GRIP1: variants seen among roughly 807,000 people sequenced by gnomAD.
GRIP1 encodes glutamate receptor-interacting protein 1.
GRIP1 carries 45 observed loss-of-function variants against 129.9 expected under a neutral mutation model. The observed-to-expected ratio is 0.35, with a 90% confidence interval of 0.27 to 0.44. The LOEUF (loss-of-function observed/expected upper bound fraction) is 0.44, where lower values mean the gene tolerates loss of function less well. Ranked by LOEUF, GRIP1 falls within the 20% of genes least tolerant of loss-of-function variation. The pLI is 1.00. For synonymous variants in GRIP1, 530 were observed against 520.8 expected, an observed-to-expected ratio of 1.02 and a Z score of -0.24; for missense variants, 1,196 against 1,396.8, an observed-to-expected ratio of 0.86 and a Z score of 2.29.
At chr12:67,052,919 A>G (rs2043371560) in intron 1 of GRIP1, among the ~76,000 whole-genome samples, 1 of 152,190 alleles carries the variant, frequency 6.6e-6, no homozygotes, top group African/African-American at 2.4e-5. Flanking sequence ...TTAGTGTAGG[A>G]ATTAGACTTA....
chr12:66,551,047 T>C (rs1459621160), intron 2 of GRIP1, among the ~76,000 whole-genome samples: 2 of 152,248 alleles, frequency 1.3e-5, no homozygotes, highest in Non-Finnish European at 2.9e-5. Flanking sequence ...AGTTTACAAG[T>C]AAAACTGAAG....
chr12:66,757,223 A>C (rs1413940067), intron 1 of GRIP1, among the ~76,000 whole-genome samples: 1 of 151,612 alleles, frequency 6.6e-6, no homozygotes, highest in East Asian at 1.9e-4. Flanking sequence ...CCCGTTAGCC[A>C]TCCCTCCTCT....
intron 1 of GRIP1, among the ~76,000 whole-genome samples, chr12:66,796,376 C>T (rs1029028057): frequency 6.6e-6 from 1 of 151,836 alleles, no homozygotes; most frequent in Admixed American, 6.6e-5. Flanking sequence ...ACAAGCCATC[C>T]AGAAGATGGC....
intron 1 of GRIP1, among the ~76,000 whole-genome samples, chr12:66,997,437 G>A (rs1217970840): frequency 6.6e-6 from 1 of 151,932 alleles, no homozygotes; most frequent in African/African-American, 2.4e-5. Flanking sequence ...AAGAATAACA[G>A]GAGAATAAGA....
At position 66,815,848 on chromosome 12, in the gene GRIP1, CTT is replaced by C. The variant is rs140180263; in HGVS notation, c.59-218923_59-218922del. Among the ~76,000 whole-genome samples the C allele has an allele frequency of 6.0e-3, 421 of 69,600 alleles. 1 individual carries two copies. Among genetic ancestry groups the C allele is most frequent in the Non-Finnish European group, 9.8e-3 (303 of 30,908 alleles). The allele number at this position is 69,600 out of a possible 152,430, so 45.7% of individuals were successfully genotyped here. ...TCTTTCTTTCTTTCTTTCTTTCTTT[CTT>C]TCTTTCTCTCTCTCTCTCTCTCTCT... On this transcript the variant is annotated intron_variant, in intron 1 of 1. Transcript: ENST00000643019.
intron 1 of GRIP1, among the ~76,000 whole-genome samples, chr12:66,919,803 A>G (rs1455657678): frequency 6.6e-6 from 1 of 152,196 alleles, no homozygotes; most frequent in Non-Finnish European, 1.5e-5. Context: ...ACACTCAAAT[A>G]AAGAGCTGGA....
intron 1 of GRIP1, among the ~76,000 whole-genome samples, chr12:66,979,732 T>C (rs983193566): frequency 6.6e-6 from 1 of 152,128 alleles, no homozygotes. Context: ...ACATGACAGG[T>C]GTCCTTAAAA....
At chr12:66,472,818 C>G (rs887638218) in intron 7 of GRIP1, among the ~76,000 whole-genome samples, 1 of 152,202 alleles carries the variant, frequency 6.6e-6, no homozygotes, top group African/African-American at 2.4e-5. Context: ...TTCCCATGGT[C>G]TTCATAACCT....
rs142754584 is a variant in GRIP1 at position 66,976,070 on chromosome 12, T to C, written c.58+92980A>G. The stretch of plus-strand genomic sequence containing the variant: ...AAAAGAACTCTCTCCCTTCCCCAGT[T>C]GCATAGGCTTGGGCTCCACAAACCC... On this transcript the variant is annotated intron_variant, in intron 1 of 1. Transcript: ENST00000643019. Among the ~76,000 whole-genome samples the C allele has an allele frequency of 5.5e-4, 84 of 152,356 alleles. No individual in the cohort carries two copies. In the East Asian group the frequency reaches 9.6e-3, roughly 17 times the overall value.
chr12:66,970,850 T>C (rs1474495147), intron 1 of GRIP1, among the ~76,000 whole-genome samples: 1 of 152,152 alleles, frequency 6.6e-6, no homozygotes, highest in African/African-American at 2.4e-5. Context: ...AGAACTATCT[T>C]CTCCCCAGAT....
At chr12:67,058,894 A>G (rs1409520114) in intron 1 of GRIP1, among the ~76,000 whole-genome samples, 1 of 152,220 alleles carries the variant, frequency 6.6e-6, no homozygotes, top group Non-Finnish European at 1.5e-5. Flanking sequence ...AAAGAAAGAG[A>G]AAAAAGGAAA....
chr12:66,470,908 G>A lies in GRIP1; in HGVS notation c.725-5486C>T, dbSNP rs549041810. 2.2e-4 allele frequency among the ~76,000 whole-genome samples: 34 copies of A among 151,728 alleles called. 1 individual carries two copies. The South Asian group carries it at 6.7e-3, about 30-fold the overall frequency. On this transcript the variant is annotated intron_variant, in intron 7 of 24. Coordinates refer to ENST00000359742, the MANE Select transcript of GRIP1 (RefSeq NM_001366722.1). The stretch of plus-strand genomic sequence containing the variant: ...GAACCAGGATTCAGAAAAGCCTAAA[G>A]TGATGAGGGCTCCTTGACATGAGCT...
chr12:66,361,124 T>C lies in GRIP1; in HGVS notation c.3013-7561A>G, dbSNP rs558086494. The stretch of plus-strand genomic sequence containing the variant: ...CGAAATAGAATACAGTCTTCTAAAC[T>C]GGAAGCCTACAGCCCAAGAAGAAGC... On this transcript the variant is annotated intron_variant, in intron 23 of 24. Transcript: ENST00000359742. 1.1e-4 allele frequency among the ~76,000 whole-genome samples: 17 copies of C among 152,282 alleles called. 1 individual carries two copies. Among genetic ancestry groups the C allele is most frequent in the African/African-American group, 4.1e-4 (17 of 41,556 alleles).
chr12:67,059,408 C>A (rs1164512584), intron 1 of GRIP1, among the ~76,000 whole-genome samples: 2 of 152,194 alleles, frequency 1.3e-5, no homozygotes, highest in Non-Finnish European at 1.5e-5. Flanking sequence ...CGCCCAGCCA[C>A]CAAATGTGCC....
intron 14 of GRIP1, among the ~76,000 whole-genome samples, chr12:66,425,300 G>A (rs899741564): frequency 1.3e-5 from 2 of 152,020 alleles, no homozygotes; most frequent in Non-Finnish European, 2.9e-5. Context: ...TTAGAATGGC[G>A]ATCATTAAAA....
intron 2 of GRIP1, among the ~76,000 whole-genome samples, chr12:66,545,914 A>T (rs1245098327): frequency 6.6e-6 from 1 of 152,200 alleles, no homozygotes; most frequent in African/African-American, 2.4e-5. Context: ...CATTGTGAAA[A>T]CTAAAAAATG....
intron 16 of GRIP1, among the ~76,000 whole-genome samples, chr12:66,399,541 AG>A (rs1202621146): frequency 1.3e-5 from 2 of 152,002 alleles, no homozygotes; most frequent in African/African-American, 4.9e-5. Context: ...TCCCAACAGA[AG>A]GTTTACAACG....
At chr12:66,947,114 C>T (rs1219187253) in intron 1 of GRIP1, among the ~76,000 whole-genome samples, 1 of 151,930 alleles carries the variant, frequency 6.6e-6, no homozygotes, top group Non-Finnish European at 1.5e-5. Context: ...AGGCAGGAAG[C>T]TTATCTCCGC....
At chr12:66,637,573 TG>T (rs1475713612) in intron 1 of GRIP1, among the ~76,000 whole-genome samples, 2 of 124,390 alleles carry the variant, frequency 1.6e-5, no homozygotes, top group African/African-American at 6.1e-5. Context: ...TATTTTTGTA[TG>T]TTTTTTTTTA....
Sources: gnomAD v4.1 joint callset for allele counts (sites outside exome capture counted in the v4.1 genomes callset) on GRCh38, gnomAD v4.1.1 for gene constraint, MANE v1.5 for transcripts, NCBI Gene and HGNC (gene_info 2026-07-23, HGNC 2026-07-21) for gene names.